Variants in ERC2 observed in about 807,000 individuals in gnomAD.
ERC2 encodes the protein ERC protein 2.
Under a neutral mutation model 114.8 loss-of-function variants are expected in ERC2, and 42 were observed. The observed-to-expected ratio is 0.37, with a 90% CI of 0.29 to 0.47. ERC2 has a LOEUF of 0.47. Ranked by LOEUF, ERC2 falls within the 20% of genes least tolerant of loss-of-function variation. The pLI is 0.99. For synonymous variants in ERC2, 454 were observed against 425.5 expected, an observed-to-expected ratio of 1.07 and a Z score of -0.82; for missense variants, 939 against 1,150.7, an observed-to-expected ratio of 0.82 and a Z score of 2.66.
intron 6 of ERC2, among the ~76,000 whole-genome samples, chr3:56,098,032 T>G (rs1171351581): frequency 6.6e-6 from 1 of 152,184 alleles, no homozygotes; most frequent in African/African-American, 2.4e-5. Context: ...GATAGCATCC[T>G]ATCTAGCTGA....
chr3:55,631,236 G>A (rs2059746263), intron 17 of ERC2, among the ~76,000 whole-genome samples: 1 of 152,114 alleles, frequency 6.6e-6, no homozygotes, highest in Non-Finnish European at 1.5e-5. Context: ...GTTTAATTGA[G>A]TTCTGGTGCT....
chr3:56,407,162 C>T (rs1480030251), intron 2 of ERC2, among the ~76,000 whole-genome samples: 1 of 152,196 alleles, frequency 6.6e-6, no homozygotes, highest in Non-Finnish European at 1.5e-5. Flanking sequence ...CAACAACTTT[C>T]ACCCACCCCC....
intron 7 of ERC2, among the ~76,000 whole-genome samples, chr3:56,066,573 T>C (rs1190954379): frequency 1.3e-5 from 2 of 152,212 alleles, no homozygotes; most frequent in African/African-American, 4.8e-5. Flanking sequence ...ATCCCATTTG[T>C]CAATTTTTGC....
Position 55,660,702 on chromosome 3 carries a change from G to A in ERC2, c.*39+23092C>T, listed in dbSNP as rs1317190533. ...TATTTAATTGGGGTCGTGGTGCACTGTGAAGTACAGCACTTATGTGCACAG... is the reference window on the plus strand; with the variant it reads ...TATTTAATTGGGGTCGTGGTGCACTATGAAGTACAGCACTTATGTGCACAG... On this transcript the variant is annotated intron_variant, in intron 17 of 17. Coordinates refer to ENST00000288221, the MANE Select transcript of ERC2 (RefSeq NM_015576.3). Among the ~76,000 whole-genome samples, 32 of 152,156 alleles carry A rather than the reference G, an allele frequency of 2.1e-4. 1 individual carries two copies. The highest frequency in any genetic ancestry group is 2.1e-3 in the Admixed American group (32 of 15,272).
chr3:56,229,862 C>CTT (rs34357962), intron 3 of ERC2, among the ~76,000 whole-genome samples: 586 of 56,650 alleles, frequency 0.01, 123 homozygotes, highest in South Asian at 0.016. Context: ...AATATCTAGT[C>CTT]TTTTTTTTTT....
chr3:56,240,059 T>C (rs2051225090), intron 3 of ERC2, among the ~76,000 whole-genome samples: 1 of 152,212 alleles, frequency 6.6e-6, no homozygotes, highest in Non-Finnish European at 1.5e-5. Flanking sequence ...AAGAGCTTCA[T>C]AGTTTTGGAA....
intron 17 of ERC2, among the ~76,000 whole-genome samples, chr3:55,675,921 T>TTTTTTTTTTTTTTTTTG (rs2061783563): frequency 8.3e-6 from 1 of 119,762 alleles, no homozygotes; most frequent in Admixed American, 8.6e-5. Flanking sequence ...TTTTTTTTTT[T>TTTTTTTTTTTTTTTTTG]TTTTTTTTTT....
chr3:56,303,387 C>T (rs374398039), intron 2 of ERC2, among the ~76,000 whole-genome samples: 3 of 152,256 alleles, frequency 2.0e-5, no homozygotes, highest in African/African-American at 4.8e-5. Context: ...ATTAAAAATA[C>T]GCAAATGGAA....
At chr3:55,556,460 C>T (rs1399809740) in intron 17 of ERC2, among the ~76,000 whole-genome samples, 1 of 152,202 alleles carries the variant, frequency 6.6e-6, no homozygotes, top group Non-Finnish European at 1.5e-5. Flanking sequence ...CAGAAGCTCC[C>T]ACCACCCCCA....
Position 56,444,087 on chromosome 3 carries a change from C to T in ERC2, c.-140-8940G>A, listed in dbSNP as rs913229996. 4.6e-5 allele frequency among the ~76,000 whole-genome samples: 7 copies of T among 150,610 alleles called. No individual in the cohort carries two copies. In the South Asian group the frequency reaches 1.1e-3, roughly 23 times the overall value. On this transcript the variant is annotated intron_variant, in intron 1 of 17. Transcript: ENST00000288221. ...ACGCCATTCTCCTGACTCAGCCTCC[C>T]CAGTAGCTGGGACCAAGGCGCCCAC...
intron 2 of ERC2, among the ~76,000 whole-genome samples, chr3:56,301,834 A>G (rs1431047877): frequency 6.6e-6 from 1 of 152,200 alleles, no homozygotes; most frequent in South Asian, 2.1e-4. Context: ...CGGTCTCCCC[A>G]TTTGTAAAAG....
At chr3:56,222,660 C>T (rs2049992599) in intron 3 of ERC2, among the ~76,000 whole-genome samples, 2 of 152,122 alleles carry the variant, frequency 1.3e-5, no homozygotes, top group Non-Finnish European at 2.9e-5. Context: ...GTCACCATGT[C>T]GATCTTGAGC....
chr3:55,954,733 GA>G (rs1255191510), intron 12 of ERC2, among the ~76,000 whole-genome samples: 3 of 152,100 alleles, frequency 2.0e-5, no homozygotes, highest in Admixed American at 6.6e-5. Context: ...TATAATTAAC[GA>G]AAGTATTTTT....
intron 2 of ERC2, among the ~76,000 whole-genome samples, chr3:56,326,789 G>T (rs918361439): frequency 2.6e-5 from 4 of 152,184 alleles, no homozygotes; most frequent in Non-Finnish European, 4.4e-5. Flanking sequence ...CAGGCTAGAG[G>T]CTGTGCCAGG....
intron 16 of ERC2, among the ~76,000 whole-genome samples, chr3:55,688,500 T>C (rs2062455434): frequency 6.6e-6 from 1 of 151,670 alleles, no homozygotes; most frequent in African/African-American, 2.4e-5. Flanking sequence ...AAAAGAAGAG[T>C]TCACTTTGAC....
At chr3:55,928,940 G>A (rs1172407795) in intron 13 of ERC2, among the ~76,000 whole-genome samples, 1 of 152,122 alleles carries the variant, frequency 6.6e-6, no homozygotes, top group Non-Finnish European at 1.5e-5. Flanking sequence ...TCTATTTCCA[G>A]GTTCTCTATT....
chr3:56,140,191 G>A lies in ERC2; in HGVS notation c.1306-515C>T, dbSNP rs113004977. On this transcript the variant is annotated intron_variant, in intron 5 of 17. Transcript: ENST00000288221. ...GATACAAAAAGAACATAAAATATAC[G>A]TGAGGTATGAGGAAAAATGACCCAA... Among the ~76,000 whole-genome samples, 540 of 152,030 alleles carry A rather than the reference G, an allele frequency of 3.6e-3. 2 individuals carry two copies. Among genetic ancestry groups the A allele is most frequent in the African/African-American group, 0.012 (513 of 41,452 alleles).
intron 3 of ERC2, among the ~76,000 whole-genome samples, chr3:56,232,688 T>C (rs908054331): frequency 2.6e-5 from 4 of 152,220 alleles, no homozygotes; most frequent in African/African-American, 9.6e-5. Context: ...TGCTATCCTC[T>C]ATCACACATC....
In ERC2 at chr3:55,956,444, ATT is replaced by A. The variant is rs11298196; in HGVS notation, c.2268-5886_2268-5885del. ...TACTTGTAACCACTGAGATTATTTC[ATT>A]TTTTTTTTGAAGCTTGTAAATACCA... On this transcript the variant is annotated intron_variant, in intron 12 of 17. Transcript: ENST00000288221. Among the ~76,000 whole-genome samples the A allele has an allele frequency of 8.6e-4, 130 of 151,158 alleles. No homozygotes were observed. The East Asian group carries it at 0.011, about 12-fold the overall frequency.
Sources: allele counts gnomAD v4.1 joint callset (sites outside exome capture counted in the v4.1 genomes callset), GRCh38; gene constraint gnomAD v4.1.1; transcripts MANE v1.5; gene names NCBI Gene and HGNC (gene_info 2026-07-23, HGNC 2026-07-21).